Variants in BCL9L observed in about 807,000 individuals in gnomAD.
The protein encoded by BCL9L is B-cell CLL/lymphoma 9-like protein.
In BCL9L, 19 loss-of-function variants were observed where a neutral mutation model predicts 99.4. The observed-to-expected ratio is 0.19, with a 90% CI of 0.13 to 0.28. The LOEUF is 0.28. Ranked by LOEUF, BCL9L falls within the 10% of genes least tolerant of loss-of-function variation. The pLI is 1.00. For synonymous variants in BCL9L, 900 were observed against 854.8 expected (o/e 1.05, Z -0.92); for missense variants, 2,023 against 2,101.6 (o/e 0.96, Z 0.73).
Position 118,907,543 on chromosome 11 carries a change from C to G in BCL9L, c.472G>C (p.Asp158His). 6.2e-7 allele frequency: 1 copy of G among 1,614,202 alleles called. No homozygotes were observed. Among genetic ancestry groups the G allele is most frequent in the Non-Finnish European group, 8.5e-7 (1 of 1,180,048 alleles). ...VLERKQPYSGDEWCSGPDSEE... is the reference protein window; with the variant it reads ...VLERKQPYSGHEWCSGPDSEE... Reference sequence around the variant, plus strand: ...CTGTCCGGTCCAGAGCACCATTCGTCCCCACTGTACGGCTGCTTCCGCTCC... The same window carrying G: ...CTGTCCGGTCCAGAGCACCATTCGTGCCCACTGTACGGCTGCTTCCGCTCC... The change falls in exon 5 of 10, where the codon GAC becomes CAC. Residue 158 changes from aspartate to histidine, a missense_variant. Asp to His is a moderately conservative substitution (Grantham distance 81). This residue lies in a region of BCL9L where 1,116 missense variants were observed against 1,194.6 expected (regional missense o/e 0.93). Coordinates refer to ENST00000683865, the MANE Select transcript of BCL9L (RefSeq NM_001378213.1).
intron 3 of BCL9L, 150 bp from the exon 4 acceptor site, chr11:118,908,805 C>T: frequency 1.5e-6 from 1 of 648,530 alleles, no homozygotes; most frequent in Non-Finnish European, 2.6e-6. Flanking sequence ...TATTCTCTAC[C>T]TCCCTCCATG....
At position 118,902,617 on chromosome 11, in the gene BCL9L, C is replaced by T. The variant is rs745484602; in HGVS notation, c.1126G>A (p.Gly376Ser). The T allele has an allele frequency of 6.9e-6, 11 of 1,599,666 alleles. No individual in the cohort carries two copies. Among genetic ancestry groups the T allele is most frequent in the Non-Finnish European group, 9.3e-6 (11 of 1,179,808 alleles). The change falls in exon 8 of 10, where the codon GGC becomes AGC. Residue 376 changes from glycine (G) to serine (S), a missense_variant. Gly to Ser is a moderately conservative substitution (Grantham distance 56). This residue lies in a region of BCL9L where 1,116 missense variants were observed against 1,194.6 expected (regional missense o/e 0.93). Transcript: ENST00000683865. This position sits in a 1 kb window ranked among gnomAD's most constrained non-coding sequence, Gnocchi z 7.8. ...GCTGCCTCCCCCAGCAGGGCAGGGC[C>T]GGGGGCACTGCTGGGGTCTCCTCCA... ...PPGGDPSSAPGPALLGEAAAP... is the reference protein window; with the variant it reads ...PPGGDPSSAPSPALLGEAAAP...
chr11:118,923,098 G>T (rs944646798), intron 1 of BCL9L, among the ~76,000 whole-genome samples: 1 of 152,078 alleles, frequency 6.6e-6, no homozygotes. Context: ...GCAGAGCTGG[G>T]TGACAGTGGC....
intron 5 of BCL9L, among the ~76,000 whole-genome samples, chr11:118,904,865 C>T (rs1591985094): frequency 6.6e-6 from 1 of 152,180 alleles, no homozygotes; most frequent in East Asian, 1.9e-4. Flanking sequence ...TCCAATTTTA[C>T]ATAGAAGAGC....
intron 2 of BCL9L, among the ~76,000 whole-genome samples, chr11:118,918,141 C>G (rs1368089925): frequency 5.9e-5 from 9 of 152,224 alleles, no homozygotes; most frequent in Non-Finnish European, 1.2e-4. Flanking sequence ...GGAGAAGTGC[C>G]TCCTCCCAGT....
At chr11:118,912,932 C>T (rs570846521) in intron 2 of BCL9L, among the ~76,000 whole-genome samples, 2 of 152,134 alleles carry the variant, frequency 1.3e-5, no homozygotes, top group Non-Finnish European at 2.9e-5. Context: ...GGTCCCAAAT[C>T]CCCTTTCTCC....
intron 1 of BCL9L, among the ~76,000 whole-genome samples, chr11:118,920,950 G>C (rs2134443808): frequency 6.6e-6 from 1 of 152,230 alleles, no homozygotes; most frequent in Non-Finnish European, 1.5e-5. Flanking sequence ...AGAGAGGAGG[G>C]AAGAGAAGTG....
In BCL9L at chr11:118,908,382, C is replaced by A. The variant is rs772708998; in HGVS notation, c.300G>T (p.Gly100=). The stretch of plus-strand genomic sequence containing the variant: ...CCTTGAGCGAGCTGAAAGGGGGCAC[C>A]CCTGCCTGGGGGTTCTTCAGACTTG... ...SNSSLKNPQA[G]VPPFSSLKGK... The change falls in exon 4 of 10, where the codon GGG becomes GGT. Residue 100 remains glycine, a synonymous_variant. Transcript: ENST00000683865. 1 of 1,613,772 alleles carries A rather than the reference C, an allele frequency of 6.2e-7. No homozygotes were observed. The highest frequency in any genetic ancestry group is 1.3e-5 in the African/African-American group (1 of 74,916).
At chr11:118,910,984 G>C in intron 2 of BCL9L, 1 of 269,454 alleles carries the variant, frequency 3.7e-6, no homozygotes, top group Non-Finnish European at 7.6e-6. Flanking sequence ...TGGGGCACGC[G>C]CAGACACCGG....
At chr11:118,908,773 G>A (rs1216840283) in intron 3 of BCL9L, 118 bp from the exon 4 acceptor site, 5 of 785,290 alleles carry the variant, frequency 6.4e-6, no homozygotes, top group Non-Finnish European at 1.0e-5. Flanking sequence ...GGAAGGGGTG[G>A]TATCTCAAGA....
At chr11:118,912,705 G>C (rs893867558) in intron 2 of BCL9L, among the ~76,000 whole-genome samples, 4 of 152,160 alleles carry the variant, frequency 2.6e-5, no homozygotes, top group Non-Finnish European at 5.9e-5. Flanking sequence ...CCCCCACGTT[G>C]GGAGCCTCTG....
rs773017318 is a variant in BCL9L at position 118,901,506 on chromosome 11, C to T, written c.2237G>A (p.Arg746Gln). 1.2e-5 allele frequency: 19 copies of T among 1,613,910 alleles called. No individual in the cohort carries two copies. The highest frequency in any genetic ancestry group is 6.7e-5 in the African/African-American group (5 of 74,902). The stretch of plus-strand genomic sequence containing the variant: ...CCCCATGGGAGGGCTCAGGAGGCCC[C>T]GGCCTCCACCAAACTCCATGCCCAT... ...TPMGMEFGGG[R>Q]GLLSPPMGQS... Residue 746 changes from arginine (R) to glutamine (Q), a missense_variant, in exon 8 of 10, where the codon CGG (arginine) becomes CAG (glutamine). By Grantham distance (43) the Arg-to-Gln change is conservative (BLOSUM62 1). Coordinates refer to ENST00000683865, the MANE Select transcript of BCL9L (RefSeq NM_001378213.1). The surrounding 1 kb of genome is among the most constrained non-coding windows in gnomAD (Gnocchi z 6.6).
intron 2 of BCL9L, chr11:118,911,178 C>G (rs1223962873): frequency 1.8e-5 from 8 of 452,954 alleles, no homozygotes; most frequent in Non-Finnish European, 3.1e-5. Flanking sequence ...AGCCCTGGCT[C>G]CCCCCTCGCC....
At position 118,900,702 on chromosome 11, in the gene BCL9L, G is replaced by C. The variant is rs755410691; in HGVS notation, c.3041C>G (p.Ala1014Gly). Residue 1014 changes from alanine (A) to glycine (G), a missense_variant, in exon 8 of 10, where the codon GCC (alanine) becomes GGC (glycine). Transcript: ENST00000683865. This position sits in a 1 kb window ranked among gnomAD's most constrained non-coding sequence, Gnocchi z 5.3. ...SPGWVASPKT[A>G]MPSPGVSQNK... Reference sequence around the variant, plus strand: ...CTGGGAGACCCCCGGGCTGGGCATGGCCGTCTTAGGTGAGGCAACCCAGCC... The same window carrying C: ...CTGGGAGACCCCCGGGCTGGGCATGCCCGTCTTAGGTGAGGCAACCCAGCC... 2 of 1,613,778 alleles carry C rather than the reference G, an allele frequency of 1.2e-6. No individual in the cohort carries two copies. The highest frequency in any genetic ancestry group is 2.7e-5 in the African/African-American group (2 of 74,934).
chr11:118,920,953 G>A (rs755316447), intron 1 of BCL9L, among the ~76,000 whole-genome samples: 1 of 152,190 alleles, frequency 6.6e-6, no homozygotes, highest in Admixed American at 6.5e-5. Context: ...GAGGAGGGAA[G>A]AGAAGTGAAG....
At chr11:118,906,756 A>G (rs988175731) in intron 5 of BCL9L, among the ~76,000 whole-genome samples, 4 of 152,076 alleles carry the variant, frequency 2.6e-5, no homozygotes, top group Admixed American at 6.5e-5. Context: ...TCCTGGGCTC[A>G]AGCAATTCTC....
Position 118,901,209 on chromosome 11 carries a change from C to T in BCL9L, c.2534G>A (p.Gly845Asp). ...CTGGCCTCCAGAGAATCCCTGCTGG[C>T]CCTGGTTGGGAAACTGTGAAGGCAT... Reference protein sequence around the residue: ...MLMPSQFPNQGQQGFSGGQGP... With the variant: ...MLMPSQFPNQDQQGFSGGQGP... Residue 845 changes from glycine (G) to aspartate (D), a missense_variant, in exon 8 of 10, where the codon GGC (glycine) becomes GAC (aspartate). Around this residue, in one of 3 missense-constraint regions of BCL9L, gnomAD observed 1,116 missense variants for 1,194.6 expected, o/e 0.93. Transcript: ENST00000683865. This position sits in a 1 kb window ranked among gnomAD's most constrained non-coding sequence, Gnocchi z 6.6. The T allele has an allele frequency of 6.2e-7, 1 of 1,613,976 alleles. No homozygotes were observed. Among genetic ancestry groups the T allele is most frequent in the Non-Finnish European group, 8.5e-7 (1 of 1,179,954 alleles).
At chr11:118,911,182 C>G (rs1034693801) in intron 2 of BCL9L, 12 of 454,472 alleles carry the variant, frequency 2.6e-5, no homozygotes, top group African/African-American at 2.2e-4. Context: ...CTGGCTCCCC[C>G]CTCGCCTCCC....
At position 118,908,481 on chromosome 11, in the gene BCL9L, G is replaced by C; in HGVS notation, c.201C>G (p.Thr67=). 2.5e-6 allele frequency: 4 copies of C among 1,614,174 alleles called. No homozygotes were observed. Among genetic ancestry groups the C allele is most frequent in the Non-Finnish European group, 3.4e-6 (4 of 1,179,998 alleles). ...SQHQNVNQGP[T]CNVGSKGVGA... Reference sequence around the variant, plus strand: ...CCACGCCCTTCGAGCCCACGTTGCAGGTGGGTCCTTGGTTCACATTCTGGT... The same window carrying C: ...CCACGCCCTTCGAGCCCACGTTGCACGTGGGTCCTTGGTTCACATTCTGGT... Residue 67 remains threonine, a synonymous_variant, in exon 4 of 10, where the codon ACC becomes ACG. Coordinates refer to ENST00000683865, the MANE Select transcript of BCL9L (RefSeq NM_001378213.1).
Sources: gnomAD v4.1 joint callset for allele counts (sites outside exome capture counted in the v4.1 genomes callset) on GRCh38, gnomAD v4.1.1 for gene constraint, gnomAD v4.1.1 regional missense constraint, Gnocchi (gnomAD v3.1) non-coding constraint, MANE v1.5 for transcripts, NCBI Gene and HGNC (gene_info 2026-07-23, HGNC 2026-07-21) for gene names.